SH3PXD2A: variants seen among roughly 807,000 people sequenced by gnomAD.
SH3PXD2A encodes the protein SH3 and PX domains 2A, also known as SH3 and PX domain-containing protein 2A.
In SH3PXD2A, 32 loss-of-function variants were observed where a neutral mutation model predicts 115.2. The ratio of observed to expected loss-of-function variants is 0.28; its 90% confidence interval spans 0.21 to 0.37. The LOEUF (loss-of-function observed/expected upper bound fraction) is 0.37. SH3PXD2A is among the 10% of genes least tolerant of loss of function. SH3PXD2A has a pLI of 1.00. For synonymous variants in SH3PXD2A, 610 were observed against 629.1 expected (o/e 0.97, Z 0.45); for missense variants, 1,328 against 1,498.7 (o/e 0.89, Z 1.88).
intron 1 of SH3PXD2A, among the ~76,000 whole-genome samples, chr10:103,834,313 C>T (rs1318148924): frequency 4.6e-5 from 7 of 152,192 alleles, no homozygotes; most frequent in African/African-American, 1.7e-4. Context: ...AAATGTTATG[C>T]TGGTGAAAGA....
chr10:103,731,872 G>T (rs1012843605), intron 4 of SH3PXD2A, among the ~76,000 whole-genome samples: 5 of 152,124 alleles, frequency 3.3e-5, no homozygotes, highest in African/African-American at 4.8e-5. Context: ...AGAGGGGGAG[G>T]GTCAGGGGAT....
At chr10:103,728,897 G>GTTT (rs57283527) in intron 4 of SH3PXD2A, among the ~76,000 whole-genome samples, 32,091 of 134,270 alleles carry the variant, frequency 0.24, 4,177 homozygotes, top group African/African-American at 0.33. Context: ...TTGTTTGTTT[G>GTTT]TTTTTTTTTT....
At chr10:103,650,606 G>A (rs1312725529) in intron 8 of SH3PXD2A, among the ~76,000 whole-genome samples, 1 of 152,186 alleles carries the variant, frequency 6.6e-6, no homozygotes, top group Non-Finnish European at 1.5e-5. Flanking sequence ...AGCTTTGCCA[G>A]CCACCTGGGG....
chr10:103,733,762 A>ATTTAT (rs1201967723), intron 4 of SH3PXD2A, among the ~76,000 whole-genome samples: 3 of 152,024 alleles, frequency 2.0e-5, no homozygotes, highest in Non-Finnish European at 4.4e-5. Flanking sequence ...AACATTTTTT[A>ATTTAT]TTTATTTTAT....
Position 103,690,153 on chromosome 10 carries a change from G to A in SH3PXD2A, c.427+2875C>T, listed in dbSNP as rs368036067. Among the ~76,000 whole-genome samples the A allele has an allele frequency of 7.2e-5, 11 of 152,256 alleles. No individual in the cohort carries two copies. In the East Asian group the frequency reaches 1.7e-3, roughly 24 times the overall value. ...GGAATCCCACCACCCATCATGTACTGTGGCTCTGATCAGCAAATGAGGAAA... is the reference window on the plus strand; with the variant it reads ...GGAATCCCACCACCCATCATGTACTATGGCTCTGATCAGCAAATGAGGAAA... On this transcript the variant is annotated intron_variant, in intron 6 of 14. Coordinates refer to ENST00000369774, the MANE Select transcript of SH3PXD2A (RefSeq NM_001394015.1).
At chr10:103,702,196 A>G (rs113372343) in intron 5 of SH3PXD2A, among the ~76,000 whole-genome samples, 233 of 152,356 alleles carry the variant, frequency 1.5e-3, no homozygotes, top group Admixed American at 4.5e-3. Context: ...TTCATCCACC[A>G]TCCATCCACA....
intron 3 of SH3PXD2A, among the ~76,000 whole-genome samples, chr10:103,755,754 C>T (rs993626653): frequency 2.6e-5 from 4 of 152,204 alleles, no homozygotes; most frequent in African/African-American, 7.2e-5. Flanking sequence ...ACCCCCTACC[C>T]GCTGAGAAGT....
intron 2 of SH3PXD2A, among the ~76,000 whole-genome samples, chr10:103,771,889 C>A (rs567560436): frequency 2.6e-5 from 4 of 152,168 alleles, no homozygotes; most frequent in Admixed American, 6.5e-5. Context: ...TGGGCAGGAC[C>A]TCAGGTGCTG....
Position 103,620,496 on chromosome 10 carries a change from A to G in SH3PXD2A, c.802+1974T>C, listed in dbSNP as rs1488101364. On this transcript the variant is annotated intron_variant, in intron 10 of 14. Transcript: ENST00000369774. The surrounding 1 kb of genome is among the most constrained non-coding windows in gnomAD (Gnocchi z 5.3). Reference sequence around the variant, plus strand: ...CACTGAGAGAGGCCTTTTGGTTCCAAGGGCCTGGCTGGCTGAGGGAACGGG... The same window carrying G: ...CACTGAGAGAGGCCTTTTGGTTCCAGGGGCCTGGCTGGCTGAGGGAACGGG... Among the ~76,000 whole-genome samples, 2 of 152,118 alleles carry G rather than the reference A, an allele frequency of 1.3e-5. No individual in the cohort carries two copies. Among genetic ancestry groups the G allele is most frequent in the African/African-American group, 2.4e-5 (1 of 41,426 alleles).
chr10:103,713,907 C>T (rs1188006545), intron 5 of SH3PXD2A, among the ~76,000 whole-genome samples: 1 of 152,214 alleles, frequency 6.6e-6, no homozygotes, highest in African/African-American at 2.4e-5. Context: ...CTTAGACCAC[C>T]AGGGCCCCGA....
intron 3 of SH3PXD2A, among the ~76,000 whole-genome samples, chr10:103,743,921 A>G (rs2134195153): frequency 6.6e-6 from 1 of 152,322 alleles, no homozygotes; most frequent in Non-Finnish European, 1.5e-5. Flanking sequence ...TCACTCAATA[A>G]CAGGGTCTCG....
Position 103,613,188 on chromosome 10 carries a change from T to C in SH3PXD2A, c.923A>G (p.Tyr308Cys). 6.3e-7 allele frequency: 1 copy of C among 1,593,124 alleles called. No individual in the cohort carries two copies. Among genetic ancestry groups the C allele is most frequent in the Non-Finnish European group, 8.5e-7 (1 of 1,171,186 alleles). Residue 308 changes from tyrosine to cysteine, a missense_variant and splice_region_variant, in exon 12 of 15, where the codon TAC (tyrosine) becomes TGC (cysteine). Around this residue, in one of 5 missense-constraint regions of SH3PXD2A, gnomAD observed 509 missense variants for 628.3 expected, o/e 0.81. Transcript: ENST00000369774. ...TGGCGCCCAGCCCTCTTTGCCCAGG[T>C]ATCTGTGGGGAGGAGCAGGATGTGC... Reference protein sequence around the residue: ...KNLEGWWYIRYLGKEGWAPAS... With the variant: ...KNLEGWWYIRCLGKEGWAPAS...
intron 9 of SH3PXD2A, 89 bp from the exon 10 acceptor site, chr10:103,622,642 G>GTGC: frequency 3.7e-6 from 2 of 545,776 alleles, no homozygotes; most frequent in Non-Finnish European, 6.9e-6. Flanking sequence ...GGGGTGGGAG[G>GTGC]AAGGGGCACA....
At chr10:103,698,104 G>C (rs777197780) in intron 5 of SH3PXD2A, among the ~76,000 whole-genome samples, 6 of 152,214 alleles carry the variant, frequency 3.9e-5, no homozygotes, top group Non-Finnish European at 8.8e-5. Flanking sequence ...GGTCACACCA[G>C]CAGCGGGCAG....
chr10:103,814,842 C>T (rs2039307528), intron 1 of SH3PXD2A, among the ~76,000 whole-genome samples: 1 of 152,194 alleles, frequency 6.6e-6, no homozygotes, highest in Non-Finnish European at 1.5e-5. Flanking sequence ...ACATGTCAGA[C>T]CATTTCTGAC....
At chr10:103,635,159 A>C (rs931308167) in intron 8 of SH3PXD2A, among the ~76,000 whole-genome samples, 3 of 152,154 alleles carry the variant, frequency 2.0e-5, no homozygotes, top group African/African-American at 7.2e-5. Context: ...GGGGTTTCAG[A>C]AGGATGGAAG....
At chr10:103,719,209 G>T (rs1324215240) in intron 5 of SH3PXD2A, among the ~76,000 whole-genome samples, 2 of 152,252 alleles carry the variant, frequency 1.3e-5, no homozygotes, top group Non-Finnish European at 2.9e-5. Flanking sequence ...CAAAGGGGCT[G>T]AGGCCGGTAC....
At chr10:103,633,727 C>CCAAAAAAA (rs1554905367) in intron 8 of SH3PXD2A, among the ~76,000 whole-genome samples, 5 of 74,356 alleles carry the variant, frequency 6.7e-5, no homozygotes, top group Non-Finnish European at 7.4e-5. Context: ...GATTCTGTCT[C>CCAAAAAAA]AAAAAAAAAA....
rs761897575 is a variant in SH3PXD2A, at chr10:103,627,032, G to A, written c.718+57C>T. On this transcript the variant is annotated intron_variant, in intron 9 of 14. Transcript: ENST00000369774. This position sits in a 1 kb window ranked among gnomAD's most constrained non-coding sequence, Gnocchi z 4.4. ...TCTGTTGGTTCTAGGGAAAGAGTGA[G>A]AGAGCTGCCTCCAGAGGCCGCGTTG... 6.4e-5 allele frequency: 59 copies of A among 920,290 alleles called. No homozygotes were observed. The highest frequency in any genetic ancestry group is 9.8e-5 in the Non-Finnish European group (54 of 552,458). 57.0% of individuals were successfully genotyped at this position (920,290 alleles called of 1,614,324 possible). A position where few individuals can be genotyped will look rare whatever the true frequency, so the allele number is the denominator to read the frequency against.
Sources: allele counts gnomAD v4.1 joint callset (sites outside exome capture counted in the v4.1 genomes callset), GRCh38; gene constraint gnomAD v4.1.1; regional missense constraint gnomAD v4.1.1; non-coding constraint Gnocchi (gnomAD v3.1); transcripts MANE v1.5; gene names NCBI Gene and HGNC (gene_info 2026-07-23, HGNC 2026-07-21).